Variants in NARS2 observed in about 807,000 individuals in gnomAD.
The protein encoded by NARS2 is asparaginyl-tRNA synthetase.
A neutral mutation model predicts 62.9 loss-of-function variants in NARS2; 60 were observed. That is an observed-to-expected ratio of 0.95 (90% CI 0.77 to 1.18). NARS2 has a LOEUF of 1.18. NARS2 is among the 50% of genes most tolerant of loss of function. NARS2 has a pLI of 0.00. For synonymous variants in NARS2, 196 were observed against 200.0 expected (o/e 0.98, Z 0.17); for missense variants, 619 against 576.4 (o/e 1.07, Z -0.76).
At chr11:78,462,556 AATAC>A (rs1014823576) in intron 11 of NARS2, among the ~76,000 whole-genome samples, 5 of 152,210 alleles carry the variant, frequency 3.3e-5, no homozygotes, top group African/African-American at 1.2e-4. Context: ...TCTAGAAAAA[AATAC>A]ATATATTTTA....
At chr11:78,483,042 C>T (rs571326047) in intron 7 of NARS2, among the ~76,000 whole-genome samples, 37 of 152,214 alleles carry the variant, frequency 2.4e-4, no homozygotes, top group Admixed American at 1.2e-3. Context: ...TTATCCACCA[C>T]GATCAAGTCA....
intron 11 of NARS2, among the ~76,000 whole-genome samples, chr11:78,445,979 T>C (rs1857746804): frequency 6.6e-6 from 1 of 152,150 alleles, no homozygotes; most frequent in Non-Finnish European, 1.5e-5. Context: ...TATATATATT[T>C]ATTTGCTATC....
intron 9 of NARS2, among the ~76,000 whole-genome samples, chr11:78,470,026 G>A (rs1858801907): frequency 1.3e-5 from 2 of 152,142 alleles, no homozygotes; most frequent in Non-Finnish European, 2.9e-5. Flanking sequence ...GACCTGAAGT[G>A]AGAAACAGTT....
chr11:78,504,193 AG>A (rs1302207583), intron 6 of NARS2, among the ~76,000 whole-genome samples: 1 of 152,252 alleles, frequency 6.6e-6, no homozygotes, highest in Non-Finnish European at 1.5e-5. Context: ...AAGGAGAATC[AG>A]GAGGAAAGCC....
At chr11:78,560,771 C>G (rs981302188) in intron 4 of NARS2, among the ~76,000 whole-genome samples, 1 of 152,234 alleles carries the variant, frequency 6.6e-6, no homozygotes, top group African/African-American at 2.4e-5. Flanking sequence ...TACACTTAAT[C>G]TGACAGCAAC....
intron 5 of NARS2, among the ~76,000 whole-genome samples, chr11:78,544,009 ACT>A (rs1245817962): frequency 1.0e-5 from 1 of 98,394 alleles, no homozygotes; most frequent in East Asian, 3.1e-4. Context: ...ACAGAGTAAG[ACT>A]CTGTCTCAAA....
chr11:78,485,937 C>T (rs181612314), intron 7 of NARS2, among the ~76,000 whole-genome samples: 4 of 152,090 alleles, frequency 2.6e-5, no homozygotes, highest in African/African-American at 9.7e-5. Flanking sequence ...TGTAGTGGCA[C>T]GATCTCGGCT....
chr11:78,516,816 G>GTAACTT (rs1395844235), intron 6 of NARS2, among the ~76,000 whole-genome samples: 1 of 152,068 alleles, frequency 6.6e-6, no homozygotes, highest in Non-Finnish European at 1.5e-5. Flanking sequence ...TCTTTATTTT[G>GTAACTT]TATTAATAGT....
chr11:78,462,304 A>C (rs1858430698), intron 11 of NARS2, among the ~76,000 whole-genome samples: 1 of 152,208 alleles, frequency 6.6e-6, no homozygotes, highest in African/African-American at 2.4e-5. Context: ...GGACTAGATA[A>C]TCTAGGTCCT....
chr11:78,438,407 G>A (rs780849086), intron 13 of NARS2, among the ~76,000 whole-genome samples: 27 of 152,092 alleles, frequency 1.8e-4, no homozygotes, highest in Non-Finnish European at 3.4e-4. Context: ...AGTACACTTT[G>A]ACTCAGTGAT....
At chr11:78,554,021 G>A (rs541936365) in intron 5 of NARS2, among the ~76,000 whole-genome samples, 8 of 152,254 alleles carry the variant, frequency 5.3e-5, no homozygotes, top group African/African-American at 1.9e-4. Flanking sequence ...GCTTGTTTTT[G>A]TCAGCTTTGG....
In NARS2 at chr11:78,518,568, A is replaced by T. The variant is rs528202066; in HGVS notation, c.689+10274T>A. ...AGTCTCGCACTTTCACCCAGGCCAG[A>T]GTGCAGTGGCGCAATCTCAGCCCAC... is the stretch of plus-strand genomic sequence containing the variant. On this transcript the variant is annotated intron_variant, in intron 6 of 13. Transcript: ENST00000281038. Among the ~76,000 whole-genome samples, 256 of 152,034 alleles carry T rather than the reference A, an allele frequency of 1.7e-3. 1 individual carries two copies. Among genetic ancestry groups the T allele is most frequent in the African/African-American group, 5.7e-3 (238 of 41,462 alleles).
chr11:78,493,224 T>C, intron 6 of NARS2, 29 bp from the exon 7 acceptor site: 6 of 1,592,478 alleles, frequency 3.8e-6, no homozygotes, highest in East Asian at 2.2e-5. Flanking sequence ...AGAATGCAAA[T>C]AGAATTCACA....
At chr11:78,514,998 A>G (rs1860851111) in intron 6 of NARS2, among the ~76,000 whole-genome samples, 2 of 152,314 alleles carry the variant, frequency 1.3e-5, no homozygotes, top group Admixed American at 1.3e-4. Context: ...AGAATCATGA[A>G]GGGGGCCTTC....
chr11:78,544,872 C>G (rs1394518870), intron 5 of NARS2, among the ~76,000 whole-genome samples: 1 of 150,292 alleles, frequency 6.7e-6, no homozygotes, highest in African/African-American at 2.5e-5. Flanking sequence ...CCCAGCTACT[C>G]AGGAGGCTGA....
chr11:78,510,784 A>G lies in NARS2; in HGVS notation c.690-17589T>C, dbSNP rs570413565. Among the ~76,000 whole-genome samples, 607 of 152,362 alleles carry G rather than the reference A, an allele frequency of 4.0e-3. 9 individuals are homozygous for G. The highest frequency in any genetic ancestry group is 0.024 in the Middle Eastern group (7 of 294). ...AATGGTACAACAAATGCAAAAAAAG[A>G]GAACGAATTAACAAATTTGATGGTA... On this transcript the variant is annotated intron_variant, in intron 6 of 13. Coordinates refer to ENST00000281038, the MANE Select transcript of NARS2 (RefSeq NM_024678.6).
At chr11:78,501,077 G>A (rs1860265457) in intron 6 of NARS2, among the ~76,000 whole-genome samples, 1 of 152,168 alleles carries the variant, frequency 6.6e-6, no homozygotes, top group Non-Finnish European at 1.5e-5. Context: ...AGGTGACAGA[G>A]TGAGACCCTG....
At chr11:78,450,031 A>G (rs1392834262) in intron 11 of NARS2, among the ~76,000 whole-genome samples, 1 of 152,226 alleles carries the variant, frequency 6.6e-6, no homozygotes, top group Non-Finnish European at 1.5e-5. Context: ...TACAGAAGCA[A>G]CGTATGTATG....
intron 11 of NARS2, among the ~76,000 whole-genome samples, chr11:78,447,084 G>C (rs182336393): frequency 4.0e-5 from 6 of 149,554 alleles, no homozygotes; most frequent in East Asian, 3.9e-4. Context: ...ACTAACAGGT[G>C]CAAGAAAAAA....
Sources: gnomAD v4.1 joint callset for allele counts (sites outside exome capture counted in the v4.1 genomes callset) on GRCh38, gnomAD v4.1.1 for gene constraint, MANE v1.5 for transcripts, NCBI Gene and HGNC (gene_info 2026-07-23, HGNC 2026-07-21) for gene names.